The following FOCAD variants were observed in gnomAD, a reference collection of about 807,000 sequenced individuals.
FOCAD encodes focadhesin.
A neutral mutation model predicts 225.6 loss-of-function variants in FOCAD; 198 were observed. That is an observed-to-expected ratio of 0.88 (90% confidence interval 0.78 to 0.99). The LOEUF (loss-of-function observed/expected upper bound fraction) is 0.99, where lower values mean the gene tolerates loss of function less well. Ranked by LOEUF, FOCAD falls within the 50% of genes least tolerant of loss-of-function variation. The pLI, the probability that FOCAD is intolerant of heterozygous loss-of-function variation, is 0.00. For missense variants in FOCAD, 2,713 were observed against 2,123.6 expected (o/e 1.28, Z -5.46); for synonymous variants, 897 against 755.0 (o/e 1.19, Z -3.08).
chr9:20,881,248 T>C (rs181990487), intron 19 of FOCAD, among the ~76,000 whole-genome samples: 13 of 152,318 alleles, frequency 8.5e-5, no homozygotes, highest in African/African-American at 3.1e-4. Context: ...GACTTAAATA[T>C]CAACTTTGTG....
chr9:20,981,182 A>C (rs1840665152), intron 37 of FOCAD, among the ~76,000 whole-genome samples: 1 of 152,194 alleles, frequency 6.6e-6, no homozygotes, highest in Non-Finnish European at 1.5e-5. Flanking sequence ...TAGTTCACAG[A>C]TGGGTTGGCA....
chr9:20,801,528 G>C (rs905270757), intron 11 of FOCAD, among the ~76,000 whole-genome samples: 3 of 152,130 alleles, frequency 2.0e-5, no homozygotes, highest in African/African-American at 7.2e-5. Flanking sequence ...TACAGTTATT[G>C]AGGCACTCAT....
intron 5 of FOCAD, among the ~76,000 whole-genome samples, chr9:20,749,236 A>C (rs555947637): frequency 2.0e-5 from 3 of 152,160 alleles, no homozygotes; most frequent in Non-Finnish European, 4.4e-5. Context: ...AATAGGAAGT[A>C]TATTTTCACA....
intron 28 of FOCAD, among the ~76,000 whole-genome samples, chr9:20,934,866 T>TA (rs1835809197): frequency 1.3e-5 from 2 of 151,728 alleles, no homozygotes; most frequent in African/African-American, 4.8e-5. Context: ...CCCTTTTTTT[T>TA]ACAATAGCTG....
At position 20,779,316 on chromosome 9, in the gene FOCAD, T is replaced by C. The variant is rs367640103; in HGVS notation, c.994+548T>C. 1.2e-4 allele frequency among the ~76,000 whole-genome samples: 19 copies of C among 152,374 alleles called. 1 individual carries two copies. In the South Asian group the frequency reaches 3.9e-3, roughly 32 times the overall value. On this transcript the variant is annotated intron_variant, in intron 9 of 43. Coordinates refer to ENST00000338382, the MANE Select transcript of FOCAD (RefSeq NM_001375567.1). ...CCCTATCGGGCAAATAAGTCATACT[T>C]TTAAAATGTGGCTTTTACATTGGTG... is the stretch of plus-strand genomic sequence containing the variant.
chr9:20,864,431 C>G (rs922141743), intron 16 of FOCAD, among the ~76,000 whole-genome samples: 2 of 151,990 alleles, frequency 1.3e-5, no homozygotes, highest in African/African-American at 2.4e-5. Context: ...TTTTCCATTT[C>G]TTTTCCTTTG....
chr9:20,829,857 G>C (rs1825307707), intron 15 of FOCAD, among the ~76,000 whole-genome samples: 1 of 152,104 alleles, frequency 6.6e-6, no homozygotes. Context: ...TGTAGCAGCA[G>C]TAGTAAGCAT....
At chr9:20,896,117 T>C (rs757960867) in intron 21 of FOCAD, among the ~76,000 whole-genome samples, 1 of 151,990 alleles carries the variant, frequency 6.6e-6, no homozygotes, top group Non-Finnish European at 1.5e-5. Context: ...TCTATTGATA[T>C]GATTATGTGA....
At chr9:20,778,604 C>T in intron 8 of FOCAD, 77 bp from the exon 9 acceptor site, 1 of 736,172 alleles carries the variant, frequency 1.4e-6, no homozygotes, top group South Asian at 1.6e-5. Context: ...TAAATATATT[C>T]TTCCTGGATA....
chr9:20,953,556 T>A (rs1837876406), intron 35 of FOCAD, among the ~76,000 whole-genome samples: 5 of 152,214 alleles, frequency 3.3e-5, no homozygotes, highest in Admixed American at 3.3e-4. Context: ...TTTGTGATTC[T>A]GTATTGCTGC....
intron 34 of FOCAD, among the ~76,000 whole-genome samples, chr9:20,952,133 C>T (rs1168598395): frequency 6.6e-6 from 1 of 152,150 alleles, no homozygotes; most frequent in African/African-American, 2.4e-5. Context: ...GCAGGGATCT[C>T]ACAGTGTCCT....
intron 1 of FOCAD, among the ~76,000 whole-genome samples, chr9:20,714,796 G>C (rs1384184952): frequency 1.3e-5 from 2 of 151,968 alleles, no homozygotes; most frequent in Non-Finnish European, 1.5e-5. Flanking sequence ...TTGTTTGCTT[G>C]TTCCTCCTTT....
intron 28 of FOCAD, 58 bp downstream of exon 28, chr9:20,933,161 A>G (rs1364755897): frequency 9.3e-6 from 11 of 1,183,924 alleles, no homozygotes; most frequent in Non-Finnish European, 1.3e-5. Flanking sequence ...CTACACTGCC[A>G]TAAGTCTTGC....
At chr9:20,869,067 A>G (rs1829540259) in intron 18 of FOCAD, among the ~76,000 whole-genome samples, 1 of 152,166 alleles carries the variant, frequency 6.6e-6, no homozygotes, top group South Asian at 2.1e-4. Context: ...TAGATGTGAC[A>G]CTATAAAACA....
At chr9:20,802,447 A>G (rs886949232) in intron 11 of FOCAD, among the ~76,000 whole-genome samples, 10 of 152,106 alleles carry the variant, frequency 6.6e-5, no homozygotes, top group African/African-American at 1.2e-4. Context: ...AATTTTTAGT[A>G]GATACAATTA....
In FOCAD at chr9:20,986,391, G is replaced by A. The variant is rs750541536; in HGVS notation, c.4832G>A (p.Arg1611His). The change falls in exon 40 of 44, where the codon CGT becomes CAT. Residue 1611 changes from arginine to histidine, a missense_variant. Transcript: ENST00000338382. ...ATGCTGAGCGTTGCTGTGCAGCACC[G>A]TGAGAAAGAGGTGTTGGCCTGGATG... The part of the protein sequence containing the change: ...TDMLSVAVQH[R>H]EKEVLAWMIL... 59 of 1,611,728 alleles carry A rather than the reference G, an allele frequency of 3.7e-5. No homozygotes were observed. Among genetic ancestry groups the A allele is most frequent in the Non-Finnish European group, 3.6e-5 (42 of 1,179,644 alleles).
At chr9:20,945,157 C>T (rs751037949) in intron 29 of FOCAD, among the ~76,000 whole-genome samples, 2 of 152,120 alleles carry the variant, frequency 1.3e-5, no homozygotes, top group Non-Finnish European at 2.9e-5. Flanking sequence ...GATCAAAAGG[C>T]GTTTGATTTT....
In FOCAD at chr9:20,658,421, A is replaced by G. The variant is rs182551312; in HGVS notation, c.-252A>G. ...TTGATCTCAGACTGCTGTGCTAGCA[A>G]TCAGTGAGACTCCGTGGGCGTAGGA... On this transcript the variant is annotated 5_prime_UTR_variant, in exon 1 of 46. Coordinates refer to the FOCAD transcript ENST00000380249. 18 of 164,120 alleles carry G rather than the reference A, an allele frequency of 1.1e-4. No homozygotes were observed. In the East Asian group the frequency reaches 1.3e-3, roughly 12 times the overall value. 10.2% of individuals were successfully genotyped at this position (164,120 alleles called of 1,614,324 possible). A position where few individuals can be genotyped will look rare whatever the true frequency, so the allele number is the denominator to read the frequency against.
At chr9:20,710,410 A>G (rs1400084716) in intron 1 of FOCAD, among the ~76,000 whole-genome samples, 1 of 151,886 alleles carries the variant, frequency 6.6e-6, no homozygotes, top group Non-Finnish European at 1.5e-5. Context: ...AGCCTCGCCA[A>G]CATGGTGAAA....
Sources: gnomAD v4.1 joint callset for allele counts (sites outside exome capture counted in the v4.1 genomes callset) on GRCh38, gnomAD v4.1.1 for gene constraint, MANE v1.5 for transcripts, NCBI Gene and HGNC (gene_info 2026-07-23, HGNC 2026-07-21) for gene names.